Variants in PGBD5 observed in about 807,000 individuals in gnomAD.
PGBD5 encodes piggyBac transposable element-derived protein 5.
A neutral mutation model predicts 47.9 loss-of-function variants in PGBD5; 14 were observed. The observed-to-expected ratio is 0.29, with a 90% CI of 0.19 to 0.46. The LOEUF is 0.46. PGBD5 is among the 20% of genes least tolerant of loss of function. PGBD5 has a pLI of 1.00. For missense variants in PGBD5, 635 were observed against 716.0 expected, an observed-to-expected ratio of 0.89 and a Z score of 1.29; for synonymous variants, 316 against 306.3, an observed-to-expected ratio of 1.03 and a Z score of -0.33.
chr1:230,323,380 C>T lies in PGBD5; in HGVS notation c.*45G>A, dbSNP rs1166062729. On this transcript the variant is annotated 3_prime_UTR_variant, in exon 7 of 7. Coordinates refer to ENST00000391860, the MANE Select transcript of PGBD5 (RefSeq NM_001258311.2). This position sits in a 1 kb window ranked among gnomAD's most constrained non-coding sequence, Gnocchi z 4.1. ...GGGCAAGTTGGAACGGCAGGCTCTC[C>T]TCCTCCTCTTGCCCCTCCCTTGACC... The T allele has an allele frequency of 1.3e-6, 2 of 1,580,916 alleles. No individual in the cohort carries two copies. Among genetic ancestry groups the T allele is most frequent in the East Asian group, 2.2e-5 (1 of 44,712 alleles).
chr1:230,387,977 T>C (rs777940360), intron 1 of PGBD5, among the ~76,000 whole-genome samples: 4 of 152,048 alleles, frequency 2.6e-5, no homozygotes, highest in Non-Finnish European at 5.9e-5. Flanking sequence ...GTGAGAGCAA[T>C]GGGTGCCATC....
intron 3 of PGBD5, among the ~76,000 whole-genome samples, chr1:230,348,785 G>A (rs1667517097): frequency 6.7e-6 from 1 of 149,270 alleles, no homozygotes; most frequent in Non-Finnish European, 1.5e-5. Flanking sequence ...TAGGAACAAA[G>A]AGAGGGACTG....
chr1:230,376,039 G>A (rs1571847865), intron 1 of PGBD5, among the ~76,000 whole-genome samples: 1 of 151,980 alleles, frequency 6.6e-6, no homozygotes, highest in Non-Finnish European at 1.5e-5. Flanking sequence ...TGTTGCTGCT[G>A]TTGTTATTTT....
intron 1 of PGBD5, among the ~76,000 whole-genome samples, chr1:230,407,060 CCT>C (rs1558213931): frequency 6.6e-6 from 1 of 152,150 alleles, no homozygotes; most frequent in Non-Finnish European, 1.5e-5. Context: ...GTCTTGAACC[CCT>C]GACCTCAGGT....
At chr1:230,390,561 G>A (rs1656758912) in intron 1 of PGBD5, among the ~76,000 whole-genome samples, 1 of 152,144 alleles carries the variant, frequency 6.6e-6, no homozygotes, top group Non-Finnish European at 1.5e-5. Context: ...CACCCAGAGG[G>A]TGGAGGTGGT....
intron 1 of PGBD5, among the ~76,000 whole-genome samples, chr1:230,378,822 T>A (rs1410371436): frequency 1.3e-5 from 2 of 152,180 alleles, no homozygotes; most frequent in Admixed American, 6.5e-5. Flanking sequence ...TCCTTCAGTC[T>A]TCTCAATAAC....
chr1:230,370,339 C>G (rs1333758370), intron 1 of PGBD5, among the ~76,000 whole-genome samples: 2 of 152,176 alleles, frequency 1.3e-5, no homozygotes, highest in Non-Finnish European at 2.9e-5. Context: ...CCCTTCAGGT[C>G]CCACTGTCCC....
At chr1:230,394,575 C>A (rs555601680) in intron 1 of PGBD5, among the ~76,000 whole-genome samples, 4 of 131,552 alleles carry the variant, frequency 3.0e-5, no homozygotes, top group Non-Finnish European at 6.4e-5. Flanking sequence ...CCACCCCCCT[C>A]CCCTCCTCTC....
In PGBD5 at chr1:230,351,240, A is replaced by G. The variant is rs573732637; in HGVS notation, c.760-148T>C. The G allele has an allele frequency of 1.4e-5, 12 of 839,300 alleles. No individual in the cohort carries two copies. The African/African-American group carries it at 1.9e-4, about 13-fold the overall frequency. 52.0% of individuals were successfully genotyped at this position (839,300 alleles called of 1,614,324 possible). On this transcript the variant is annotated intron_variant, in intron 2 of 6. Coordinates refer to ENST00000391860, the MANE Select transcript of PGBD5 (RefSeq NM_001258311.2). ...TACCTCTCTGATCCTGACCCTTCTT[A>G]TCTATAGGAGGGTGGTATCATTATC...
rs1426404246 is a variant in PGBD5 at position 230,354,485 on chromosome 1, TATGATCAGCCC to T, written c.759+2398_759+2408del. Among the ~76,000 whole-genome samples the T allele has an allele frequency of 4.1e-3, 625 of 152,366 alleles. 5 individuals are homozygous for T. Among genetic ancestry groups the T allele is most frequent in the African/African-American group, 0.014 (564 of 41,584 alleles). On this transcript the variant is annotated intron_variant, in intron 2 of 6. Coordinates refer to ENST00000391860, the MANE Select transcript of PGBD5 (RefSeq NM_001258311.2). ...GAGCAAGGGAGTCAGGGGAGGGACCTATGATCAGCCCCTTAAACTTATTTCGAACTTATTTC... is the reference window on the plus strand; with the variant it reads ...GAGCAAGGGAGTCAGGGGAGGGACCTCTTAAACTTATTTCGAACTTATTTC...
At chr1:230,375,942 G>A (rs1163778500) in intron 1 of PGBD5, among the ~76,000 whole-genome samples, 1 of 151,764 alleles carries the variant, frequency 6.6e-6, no homozygotes, top group Non-Finnish European at 1.5e-5. Context: ...CCCTGTGTGA[G>A]ATGCCTCAGT....
intron 1 of PGBD5, among the ~76,000 whole-genome samples, chr1:230,422,722 G>A (rs544810356): frequency 1.3e-5 from 2 of 152,314 alleles, no homozygotes; most frequent in Admixed American, 1.3e-4. Context: ...GATCTAGGAA[G>A]CTAAATACGC....
intron 1 of PGBD5, among the ~76,000 whole-genome samples, chr1:230,363,163 A>G (rs1390287586): frequency 6.6e-6 from 1 of 152,242 alleles, no homozygotes; most frequent in Non-Finnish European, 1.5e-5. Context: ...GCAAGAAGGC[A>G]GCTCTGGGCC....
chr1:230,375,836 T>C (rs1235691638), intron 1 of PGBD5, among the ~76,000 whole-genome samples: 1 of 151,798 alleles, frequency 6.6e-6, no homozygotes, highest in Non-Finnish European at 1.5e-5. Flanking sequence ...TTTGTTTTGT[T>C]TTAATCCTTC....
chr1:230,407,736 T>C (rs550223727), intron 1 of PGBD5, among the ~76,000 whole-genome samples: 15 of 152,340 alleles, frequency 9.8e-5, no homozygotes, highest in Non-Finnish European at 8.8e-5. Flanking sequence ...TCTTGAAAGA[T>C]AGACATATTG....
In PGBD5 at chr1:230,357,939, TATATATACACATGC is replaced by T. The variant is rs1443036870; in HGVS notation, c.332-632_332-619del. Among the ~76,000 whole-genome samples, 4 of 152,028 alleles carry T rather than the reference TATATATACACATGC, an allele frequency of 2.6e-5. No individual in the cohort carries two copies. The highest frequency in any genetic ancestry group is 1.3e-4 in the Admixed American group (2 of 15,260). On this transcript the variant is annotated intron_variant, in intron 1 of 6. Coordinates refer to ENST00000391860, the MANE Select transcript of PGBD5 (RefSeq NM_001258311.2). The surrounding 1 kb of genome is among the most constrained non-coding windows in gnomAD (Gnocchi z 5.7). ...GGAAGAAAGCATGCATATACATACA[TATATATACACATGC>T]ATATATACACATACATACACACACA...
intron 1 of PGBD5, among the ~76,000 whole-genome samples, chr1:230,371,985 A>AT (rs1290545106): frequency 6.6e-6 from 1 of 152,216 alleles, no homozygotes; most frequent in Non-Finnish European, 1.5e-5. Context: ...GGATGGGAAT[A>AT]TAAAAGGTTC....
intron 3 of PGBD5, 74 bp from the exon 4 acceptor site, chr1:230,337,362 C>A (rs922867248): frequency 6.6e-6 from 9 of 1,366,238 alleles, no homozygotes; most frequent in Non-Finnish European, 8.9e-6. Flanking sequence ...TCAGCAAGCA[C>A]AGATCTCATG....
intron 1 of PGBD5, among the ~76,000 whole-genome samples, chr1:230,417,292 A>C (rs1203504846): frequency 1.3e-5 from 2 of 152,052 alleles, no homozygotes; most frequent in Non-Finnish European, 2.9e-5. Context: ...CCTTAAAGGA[A>C]GGACCCCGGT....
Sources: gnomAD v4.1 joint callset for allele counts (sites outside exome capture counted in the v4.1 genomes callset) on GRCh38, gnomAD v4.1.1 for gene constraint, Gnocchi (gnomAD v3.1) non-coding constraint, MANE v1.5 for transcripts, NCBI Gene and HGNC (gene_info 2026-07-23, HGNC 2026-07-21) for gene names.